Variants in ZFHX4 observed in about 807,000 individuals in gnomAD.
The protein encoded by ZFHX4 is zinc finger homeobox protein 4.
ZFHX4 carries 56 observed loss-of-function variants against 267.6 expected under a neutral mutation model. The observed-to-expected ratio is 0.21, with a 90% confidence interval of 0.17 to 0.26. The LOEUF is 0.26. ZFHX4 is among the 10% of genes least tolerant of loss of function. The probability of loss-of-function intolerance (pLI) is 1.00; values close to 1 mark genes in which losing one functional copy is unlikely to be tolerated. For missense variants in ZFHX4, 4,332 were observed against 4,420.0 expected, an observed-to-expected ratio of 0.98 and a Z score of 0.56; for synonymous variants, 1,778 against 1,665.6, an observed-to-expected ratio of 1.07 and a Z score of -1.64.
intron 2 of ZFHX4, 52 bp downstream of exon 2, chr8:76,706,730 A>G: frequency 6.8e-7 from 1 of 1,464,690 alleles, no homozygotes; most frequent in South Asian, 1.5e-5. Flanking sequence ...TCACATTTTG[A>G]TTTGGCGTGA....
chr8:76,718,935 TCACACACACACA>T (rs34486060), intron 3 of ZFHX4, among the ~76,000 whole-genome samples: 3 of 141,370 alleles, frequency 2.1e-5, no homozygotes, highest in South Asian at 2.3e-4. Context: ...CTGAAATTGA[TCACACACACACA>T]CACACACACA....
At chr8:76,752,234 A>G (rs182062263) in intron 3 of ZFHX4, among the ~76,000 whole-genome samples, 17 of 152,266 alleles carry the variant, frequency 1.1e-4, no homozygotes, top group Admixed American at 1.0e-3. Flanking sequence ...CATGAAGGCA[A>G]GAGAATGAAA....
chr8:76,793,930 T>G (rs1216296244), intron 4 of ZFHX4, among the ~76,000 whole-genome samples: 1 of 152,184 alleles, frequency 6.6e-6, no homozygotes. Flanking sequence ...AAGTCAGTGT[T>G]GAAGTAATTA....
At chr8:76,763,579 C>T (rs1425258680) in intron 3 of ZFHX4, among the ~76,000 whole-genome samples, 1 of 152,012 alleles carries the variant, frequency 6.6e-6, no homozygotes, top group Non-Finnish European at 1.5e-5. Context: ...GCCGTGATGG[C>T]CCCACTGCAC....
intron 1 of ZFHX4, among the ~76,000 whole-genome samples, chr8:76,702,262 C>T (rs989198363): frequency 3.3e-5 from 5 of 152,046 alleles, no homozygotes; most frequent in Non-Finnish European, 5.9e-5. Flanking sequence ...GATACCAAAA[C>T]GAATTTTGAA....
intron 6 of ZFHX4, among the ~76,000 whole-genome samples, chr8:76,843,688 T>A (rs1299017703): frequency 1.3e-5 from 2 of 152,172 alleles, no homozygotes; most frequent in Admixed American, 1.3e-4. Context: ...AGCCTATTAG[T>A]TTCAGGTAGT....
In ZFHX4 at chr8:76,705,340, A is replaced by G. The variant is rs761401812; in HGVS notation, c.1252A>G (p.Thr418Ala). 1 of 1,613,858 alleles carries G rather than the reference A, an allele frequency of 6.2e-7. No homozygotes were observed. Among genetic ancestry groups the G allele is most frequent in the Non-Finnish European group, 8.5e-7 (1 of 1,179,858 alleles). ...LGGLSSLVVN[T>A]PITSVSLSHS... ...GGGGCTGTCTAGTTTAGTAGTGAAC[A>G]CCCCAATTACCTCTGTCTCCCTCAG... The change falls in exon 2 of 11, where the codon ACC (threonine) becomes GCC (alanine). Residue 418 changes from threonine (T) to alanine (A), a missense_variant. Around this residue, in one of 7 missense-constraint regions of ZFHX4, gnomAD observed 1,195 missense variants for 1,173.6 expected, o/e 1.02. Coordinates refer to ENST00000651372, the MANE Select transcript of ZFHX4 (RefSeq NM_024721.5).
At chr8:76,727,694 C>G (rs1808889767) in intron 3 of ZFHX4, among the ~76,000 whole-genome samples, 1 of 152,158 alleles carries the variant, frequency 6.6e-6, no homozygotes, top group African/African-American at 2.4e-5. Context: ...TTGCTTCTTT[C>G]TGGGTAGAAA....
At chr8:76,758,443 C>A (rs751656866) in intron 3 of ZFHX4, among the ~76,000 whole-genome samples, 2 of 152,040 alleles carry the variant, frequency 1.3e-5, no homozygotes. Context: ...TCCTCTCAGC[C>A]ATGATTGGGT....
intron 3 of ZFHX4, among the ~76,000 whole-genome samples, chr8:76,722,428 A>G (rs1363115626): frequency 1.3e-5 from 2 of 152,050 alleles, no homozygotes; most frequent in Non-Finnish European, 2.9e-5. Context: ...ATATCCTCCC[A>G]TTATTAATAT....
chr8:76,789,419 A>G (rs1031421471), intron 4 of ZFHX4, among the ~76,000 whole-genome samples: 20 of 152,220 alleles, frequency 1.3e-4, no homozygotes, highest in Non-Finnish European at 1.9e-4. Flanking sequence ...CAGGAAATAA[A>G]TATGTGCATA....
At chr8:76,777,305 T>G (rs1360852008) in intron 3 of ZFHX4, among the ~76,000 whole-genome samples, 1 of 152,092 alleles carries the variant, frequency 6.6e-6, no homozygotes, top group African/African-American at 2.4e-5. Context: ...AAATCAGAAT[T>G]TAAGAGGATC....
intron 3 of ZFHX4, among the ~76,000 whole-genome samples, chr8:76,771,720 C>T (rs972910419): frequency 1.3e-5 from 2 of 152,140 alleles, no homozygotes; most frequent in African/African-American, 4.8e-5. Flanking sequence ...TGTACCCAAA[C>T]AGATTGCTTT....
At chr8:76,788,307 C>T (rs909609852) in intron 4 of ZFHX4, among the ~76,000 whole-genome samples, 3 of 152,152 alleles carry the variant, frequency 2.0e-5, no homozygotes, top group Non-Finnish European at 1.5e-5. Context: ...CTTTTATAGG[C>T]TAGCATTTAT....
chr8:76,693,970 A>G (rs979257130), intron 1 of ZFHX4, among the ~76,000 whole-genome samples: 1 of 152,214 alleles, frequency 6.6e-6, no homozygotes, highest in Non-Finnish European at 1.5e-5. Context: ...GTCTGATGCC[A>G]ATAAGAACAG....
At chr8:76,731,265 G>A (rs1330466855) in intron 3 of ZFHX4, among the ~76,000 whole-genome samples, 1 of 152,182 alleles carries the variant, frequency 6.6e-6, no homozygotes, top group East Asian at 1.9e-4. Flanking sequence ...TGCTCACAAA[G>A]AGTTACAAAG....
chr8:76,816,570 C>T (rs1055846492), intron 4 of ZFHX4, among the ~76,000 whole-genome samples: 3 of 150,586 alleles, frequency 2.0e-5, no homozygotes, highest in Non-Finnish European at 2.9e-5. Context: ...CTGTGAGTGC[C>T]TGTGTGTTAA....
chr8:76,738,599 TTTCC>T (rs1181956560), intron 3 of ZFHX4, among the ~76,000 whole-genome samples: 1 of 130,014 alleles, frequency 7.7e-6, no homozygotes, highest in Non-Finnish European at 1.6e-5. Context: ...TTTCTTTCTT[TTTCC>T]TTCCTTCCTT....
intron 3 of ZFHX4, among the ~76,000 whole-genome samples, chr8:76,716,144 T>C (rs1329378950): frequency 6.6e-6 from 1 of 152,208 alleles, no homozygotes; most frequent in Non-Finnish European, 1.5e-5. Context: ...TTGTAGTCTA[T>C]GATTACATGT....
Sources: gnomAD v4.1 joint callset for allele counts (sites outside exome capture counted in the v4.1 genomes callset) on GRCh38, gnomAD v4.1.1 for gene constraint, gnomAD v4.1.1 regional missense constraint, MANE v1.5 for transcripts, NCBI Gene and HGNC (gene_info 2026-07-23, HGNC 2026-07-21) for gene names.